DIAPH2: variants seen among roughly 807,000 people sequenced by gnomAD.
The protein encoded by DIAPH2 is protein diaphanous homolog 2.
In DIAPH2, 35 loss-of-function variants were observed where a neutral mutation model predicts 92.7. The ratio of observed to expected loss-of-function variants is 0.38; its 90% CI spans 0.29 to 0.50. The LOEUF (loss-of-function observed/expected upper bound fraction) is 0.50, where lower values mean the gene tolerates loss of function less well. Ranked by LOEUF, DIAPH2 falls within the 20% of genes least tolerant of loss-of-function variation. The pLI is 0.94. For synonymous variants in DIAPH2, 301 were observed against 280.4 expected, an observed-to-expected ratio of 1.07 and a Z score of -0.73; for missense variants, 701 against 819.5, an observed-to-expected ratio of 0.86 and a Z score of 1.77.
chrX:97,370,922 A>G (rs975032380), intron 24 of DIAPH2, among the ~76,000 whole-genome samples: 14 of 112,374 alleles, frequency 1.2e-4, no homozygotes, highest in African/African-American at 3.9e-4. Context: ...TATTTGTAGG[A>G]CAGGATTCAG....
At chrX:96,790,334 G>T (rs1820053427) in intron 4 of DIAPH2, among the ~76,000 whole-genome samples, 1 of 111,254 alleles carries the variant, frequency 9.0e-6, no homozygotes, top group African/African-American at 3.3e-5. Context: ...GCCTCCCAAA[G>T]TGCTGGAATT....
chrX:97,083,312 A>G (rs1314141043), intron 19 of DIAPH2, among the ~76,000 whole-genome samples: 1 of 112,440 alleles, frequency 8.9e-6, no homozygotes, highest in African/African-American at 3.2e-5. Context: ...AGGAATACAC[A>G]AGGGAAATTT....
intron 17 of DIAPH2, among the ~76,000 whole-genome samples, chrX:97,045,000 T>G (rs1026021593): frequency 8.9e-6 from 1 of 111,762 alleles, no homozygotes; most frequent in African/African-American, 3.3e-5. Flanking sequence ...TCCCTCTTTC[T>G]TAAAGGAAAC....
At chrX:97,077,101 C>T (rs184688480) in intron 19 of DIAPH2, among the ~76,000 whole-genome samples, 1 of 111,480 alleles carries the variant, frequency 9.0e-6, no homozygotes, top group African/African-American at 3.3e-5. Context: ...GGTGTAGGGC[C>T]TAAGTGGCGA....
chrX:96,762,116 G>A (rs1360246401), intron 4 of DIAPH2, among the ~76,000 whole-genome samples: 3 of 111,392 alleles, frequency 2.7e-5, no homozygotes, highest in East Asian at 2.8e-4. Context: ...AACTGCTATC[G>A]GATTAATGGT....
At chrX:97,368,110 GT>G (rs1315025011) in intron 24 of DIAPH2, among the ~76,000 whole-genome samples, 2 of 112,332 alleles carry the variant, frequency 1.8e-5, no homozygotes, top group African/African-American at 6.5e-5. Flanking sequence ...AGAGAAAGTA[GT>G]TTCATAACTT....
intron 1 of DIAPH2, among the ~76,000 whole-genome samples, chrX:96,718,337 T>TTTTTTTTTTTTTG (rs2063966616): frequency 4.1e-5 from 1 of 24,275 alleles, no homozygotes; most frequent in Non-Finnish European, 8.2e-5. Context: ...ATTTTCTTTG[T>TTTTTTTTTTTTTG]TTTTTTTTTT....
chrX:96,717,826 A>G (rs1323574638), intron 1 of DIAPH2, among the ~76,000 whole-genome samples: 2 of 56,880 alleles, frequency 3.5e-5, no homozygotes, highest in African/African-American at 1.8e-4. Context: ...GTATATATAT[A>G]TATATATATA....
At position 97,600,010 on chromosome X, in the gene DIAPH2, G is replaced by GAATC. The variant is rs897502828; in HGVS notation, c.*695_*698dup. The GAATC allele has an allele frequency of 3.6e-5, 4 of 112,393 alleles. No individual in the cohort carries two copies. In the Admixed American group the frequency reaches 3.8e-4, roughly 11 times the overall value. The allele number at this position is 112,393 out of a possible 1,213,427, so 9.3% of individuals were successfully genotyped here. A position where few individuals can be genotyped will look rare whatever the true frequency, so the allele number is the denominator to read the frequency against. On this transcript the variant is annotated 3_prime_UTR_variant, in exon 27 of 27. Transcript: ENST00000324765. ...AAAATAAATAAACCAAAGTTTAACC[G>GAATC]AATCAGTTAGGGAAAGTGATTTAAA...
chrX:97,589,032 A>AATCAG (rs1308047488), intron 26 of DIAPH2, among the ~76,000 whole-genome samples: 1 of 13,838 alleles, frequency 7.2e-5, no homozygotes, highest in Non-Finnish European at 3.4e-4. Flanking sequence ...TATATAAAAG[A>AATCAG]ATCAGATGGT....
chrX:97,568,369 A>G (rs902088742), intron 26 of DIAPH2, among the ~76,000 whole-genome samples: 34 of 111,022 alleles, frequency 3.1e-4, no homozygotes, highest in African/African-American at 1.0e-3. Flanking sequence ...ACAAACAAGG[A>G]CAGTTTTTGG....
chrX:97,487,778 AT>A (rs58507297), intron 26 of DIAPH2, among the ~76,000 whole-genome samples: 2,031 of 105,749 alleles, frequency 0.019, 50 homozygotes, highest in African/African-American at 0.064. Context: ...TGCCTTTTAC[AT>A]TTTTTTTTTG....
chrX:97,170,092 A>C (rs952679233), intron 22 of DIAPH2, among the ~76,000 whole-genome samples: 2 of 111,787 alleles, frequency 1.8e-5, no homozygotes, highest in Non-Finnish European at 3.8e-5. Flanking sequence ...TTATTTTTGA[A>C]CATGGTAATT....
chrX:96,881,836 T>A (rs1323120255), intron 5 of DIAPH2, 118 bp downstream of exon 5: 29 of 748,929 alleles, frequency 3.9e-5, no homozygotes, highest in Non-Finnish European at 5.3e-5. Flanking sequence ...AAATCTGATG[T>A]TAATAAAACA....
At chrX:97,486,019 T>TAAA (rs59648553) in intron 26 of DIAPH2, among the ~76,000 whole-genome samples, 1 of 93,189 alleles carries the variant, frequency 1.1e-5, no homozygotes, top group African/African-American at 3.9e-5. Context: ...GTACCGAAAA[T>TAAA]AAAAAAAAAA....
At chrX:97,282,128 C>A (rs1298100296) in intron 23 of DIAPH2, among the ~76,000 whole-genome samples, 1 of 110,556 alleles carries the variant, frequency 9.0e-6, no homozygotes, top group Non-Finnish European at 1.9e-5. Context: ...CAAATTATAC[C>A]CTCAGAGTTC....
chrX:97,229,653 C>T (rs2067992119), intron 22 of DIAPH2, among the ~76,000 whole-genome samples: 1 of 109,551 alleles, frequency 9.1e-6, no homozygotes, highest in South Asian at 3.9e-4. Flanking sequence ...GGATATGATG[C>T]TTATGAAGAC....
intron 22 of DIAPH2, among the ~76,000 whole-genome samples, chrX:97,224,795 T>C (rs1467837451): frequency 9.0e-6 from 1 of 111,511 alleles, no homozygotes; most frequent in African/African-American, 3.3e-5. Flanking sequence ...TCATAAGGGA[T>C]ATATCTCTTA....
intron 22 of DIAPH2, among the ~76,000 whole-genome samples, chrX:97,204,783 G>A (rs1666111571): frequency 9.0e-6 from 1 of 111,271 alleles, no homozygotes; most frequent in South Asian, 3.8e-4. Flanking sequence ...TTCCCATCAA[G>A]CTACCATTGA....
Sources: gnomAD v4.1 joint callset for allele counts (sites outside exome capture counted in the v4.1 genomes callset) on GRCh38, gnomAD v4.1.1 for gene constraint, MANE v1.5 for transcripts, NCBI Gene and HGNC (gene_info 2026-07-23, HGNC 2026-07-21) for gene names.